Variants in POU1F1 observed in about 807,000 individuals in gnomAD.
The protein encoded by POU1F1 is pituitary-specific positive transcription factor 1.
POU1F1 carries 23 observed loss-of-function variants against 32.3 expected under a neutral mutation model. The ratio of observed to expected loss-of-function variants is 0.71; its 90% CI spans 0.51 to 1.01. The LOEUF is 1.01. Ranked by LOEUF, POU1F1 falls within the 50% of genes least tolerant of loss-of-function variation. The probability of loss-of-function intolerance (pLI) is 0.00; values close to 1 mark genes in which losing one functional copy is unlikely to be tolerated. For synonymous variants in POU1F1, 120 were observed against 115.6 expected, an observed-to-expected ratio of 1.04 and a Z score of -0.25; for missense variants, 323 against 341.6, an observed-to-expected ratio of 0.95 and a Z score of 0.43.
intron 1 of POU1F1, among the ~76,000 whole-genome samples, chr3:87,274,619 A>G (rs1706793665): frequency 6.6e-6 from 1 of 151,562 alleles, no homozygotes. Flanking sequence ...CAATATAATG[A>G]TTACATATAA....
At position 87,262,186 on chromosome 3, in the gene POU1F1, A is replaced by G. The variant is rs1260051883; in HGVS notation, c.489T>C (p.Ser163=). Residue 163 remains serine (S), a synonymous_variant, in exon 4 of 6, where the codon TCT becomes TCC. Coordinates refer to ENST00000350375, the MANE Select transcript of POU1F1 (RefSeq NM_000306.4). ...GGCAGATTGTTGTTTGACTGAATTC[A>G]GAGCCATGCACAGCTGCCAGGGCCT... ...VGEALAAVHG[S]EFSQTTICRF... 4 of 1,614,052 alleles carry G rather than the reference A, an allele frequency of 2.5e-6. No homozygotes were observed. The highest frequency in any genetic ancestry group is 2.2e-5 in the South Asian group (2 of 91,090).
rs199555032 is a variant in POU1F1 at position 87,260,865 on chromosome 3, ATTTTTTT to A, written c.665+401_665+407del. On this transcript the variant is annotated intron_variant, in intron 5 of 5. Transcript: ENST00000350375. ...AAAATTAAGTTATTACATTATTATT[ATTTTTTT>A]TTTATTTATTTATTTATTTATTTAT... Among the ~76,000 whole-genome samples the A allele has an allele frequency of 1.1e-4, 5 of 45,392 alleles. 1 individual carries two copies. The highest frequency in any genetic ancestry group is 4.7e-4 in the Admixed American group (2 of 4,264). 29.8% of individuals were successfully genotyped at this position (45,392 alleles called of 152,430 possible). A position where few individuals can be genotyped will look rare whatever the true frequency, so the allele number is the denominator to read the frequency against.
chr3:87,272,560 T>C (rs1706747368), intron 2 of POU1F1, among the ~76,000 whole-genome samples: 1 of 152,198 alleles, frequency 6.6e-6, no homozygotes, highest in South Asian at 2.1e-4. Flanking sequence ...TTTTGATGAA[T>C]AGATCTCATA....
At chr3:87,266,569 A>C (rs1706626061) in intron 2 of POU1F1, among the ~76,000 whole-genome samples, 1 of 151,584 alleles carries the variant, frequency 6.6e-6, no homozygotes, top group South Asian at 2.1e-4. Flanking sequence ...ACTTTTACAA[A>C]CCAAAATTAT....
Position 87,261,285 on chromosome 3 carries a change from C to G in POU1F1, c.653G>C (p.Arg218Thr). 6.3e-7 allele frequency: 1 copy of G among 1,582,952 alleles called. No homozygotes were observed. The highest frequency in any genetic ancestry group is 8.6e-7 in the Non-Finnish European group (1 of 1,158,078). ...ATATAAAGAATACCTTATAGTTGTT[C>G]TTCGTTTTCTTTTCCTTTCATTTGC... ...VGANERKRKRRTTISIAAKDA... is the reference protein window; with the variant it reads ...VGANERKRKRTTTISIAAKDA... Residue 218 changes from arginine (R) to threonine (T), a missense_variant, in exon 5 of 6, where the codon AGA becomes ACA. Coordinates refer to ENST00000350375, the MANE Select transcript of POU1F1 (RefSeq NM_000306.4).
intron 2 of POU1F1, among the ~76,000 whole-genome samples, chr3:87,268,231 A>G (rs751696597): frequency 5.6e-4 from 85 of 150,996 alleles, no homozygotes; most frequent in Non-Finnish European, 9.0e-4. Context: ...GGTGCCTGCC[A>G]CCACACCCGG....
At chr3:87,270,527 A>G (rs954379339) in intron 2 of POU1F1, among the ~76,000 whole-genome samples, 1 of 152,218 alleles carries the variant, frequency 6.6e-6, no homozygotes, top group African/African-American at 2.4e-5. Context: ...AACTAAATGT[A>G]AGCATCAGAG....
At chr3:87,268,097 T>C (rs1296973896) in intron 2 of POU1F1, among the ~76,000 whole-genome samples, 4 of 146,490 alleles carry the variant, frequency 2.7e-5, no homozygotes, top group African/African-American at 5.0e-5. Context: ...TTTTTTTTTT[T>C]TTTTTTTTGA....
At position 87,265,102 on chromosome 3, in the gene POU1F1, G is replaced by A. The variant is rs370841736; in HGVS notation, c.215-590C>T. On this transcript the variant is annotated intron_variant, in intron 2 of 5. Transcript: ENST00000350375. ...AATTAAATGAAGGTAGGCAGAAAGA[G>A]AATGATGAGAATATAAAGTATATTA... Among the ~76,000 whole-genome samples, 3 of 151,988 alleles carry A rather than the reference G, an allele frequency of 2.0e-5. No individual in the cohort carries two copies. The East Asian group carries it at 5.8e-4, about 29-fold the overall frequency.
At chr3:87,260,845 TAA>T (rs1309283122) in intron 5 of POU1F1, among the ~76,000 whole-genome samples, 6 of 151,080 alleles carry the variant, frequency 4.0e-5, no homozygotes, top group Non-Finnish European at 1.5e-5. Flanking sequence ...TTCTCAAAAT[TAA>T]GTTATTACAT....
At chr3:87,261,229 A>G in intron 5 of POU1F1, 44 bp downstream of exon 5, 1 of 1,316,888 alleles carries the variant, frequency 7.6e-7, no homozygotes, top group Non-Finnish European at 1.1e-6. Flanking sequence ...TCCATTTATA[A>G]AATACCAGTT....
chr3:87,266,225 AATTT>A (rs1706618498), intron 2 of POU1F1, among the ~76,000 whole-genome samples: 1 of 147,106 alleles, frequency 6.8e-6, no homozygotes, highest in Non-Finnish European at 1.5e-5. Context: ...TTATTTATTT[AATTT>A]AATTTATTTA....
Position 87,276,436 on chromosome 3 carries a change from A to G in POU1F1, c.27T>C (p.Ala9=), listed in dbSNP as rs35560664. 311 of 1,613,958 alleles carry G rather than the reference A, an allele frequency of 1.9e-4. 2 individuals carry two copies. In the Middle Eastern group the frequency reaches 0.01, roughly 53 times the overall value. Reference sequence around the variant, plus strand: ...CAGAATTCAGAGGTATAAAGGTATCAGCCGAAGTAAAAGCTTGGCAACTCA... The same window carrying G: ...CAGAATTCAGAGGTATAAAGGTATCGGCCGAAGTAAAAGCTTGGCAACTCA... MSCQAFTS[A]DTFIPLNSDA... Residue 9 remains alanine, a synonymous_variant, in exon 1 of 6, where the codon GCT becomes GCC. Coordinates refer to ENST00000350375, the MANE Select transcript of POU1F1 (RefSeq NM_000306.4).
intron 5 of POU1F1, 53 bp downstream of exon 5, chr3:87,261,220 C>T: frequency 1.6e-6 from 2 of 1,253,852 alleles, no homozygotes; most frequent in African/African-American, 1.5e-5. Context: ...AATGCTCATT[C>T]CATTTATAAA....
At chr3:87,260,708 G>A (rs1255768080) in intron 5 of POU1F1, among the ~76,000 whole-genome samples, 54 of 152,054 alleles carry the variant, frequency 3.6e-4, no homozygotes, top group Non-Finnish European at 2.1e-4. Flanking sequence ...AAGGGGAGAA[G>A]ATATGGCCAG....
chr3:87,265,973 T>A lies in POU1F1; in HGVS notation c.215-1461A>T, dbSNP rs189021702. 1.0e-3 allele frequency among the ~76,000 whole-genome samples: 153 copies of A among 151,160 alleles called. No individual in the cohort carries two copies. In the Middle Eastern group the frequency reaches 0.01, roughly 10 times the overall value. On this transcript the variant is annotated intron_variant, in intron 2 of 5. Transcript: ENST00000350375. ...ATATAAATATTTTAAAATAAATTAC[T>A]ATGGAATACATGCAATAATTATTCT... is the stretch of plus-strand genomic sequence containing the variant.
At chr3:87,260,994 TCCGCCTC>T (rs1156443696) in intron 5 of POU1F1, among the ~76,000 whole-genome samples, 2 of 151,892 alleles carry the variant, frequency 1.3e-5, no homozygotes, top group Admixed American at 6.6e-5. Flanking sequence ...CACTGCAACC[TCCGCCTC>T]CCAGGTTCAA....
intron 5 of POU1F1, 21 bp from the exon 6 acceptor site, chr3:87,260,125 G>T (rs760887458): frequency 1.2e-6 from 2 of 1,602,090 alleles, no homozygotes; most frequent in Non-Finnish European, 1.7e-6. Flanking sequence ...GTGGACATAG[G>T]GGGTGAAATT....
intron 2 of POU1F1, among the ~76,000 whole-genome samples, chr3:87,269,556 A>T (rs886393665): frequency 1.3e-5 from 2 of 152,166 alleles, no homozygotes; most frequent in Non-Finnish European, 2.9e-5. Context: ...AGAAAAAAAA[A>T]TTTCAAATTT....
Sources: allele counts gnomAD v4.1 joint callset (sites outside exome capture counted in the v4.1 genomes callset), GRCh38; gene constraint gnomAD v4.1.1; transcripts MANE v1.5; gene names NCBI Gene and HGNC (gene_info 2026-07-23, HGNC 2026-07-21).